Variants in HS3ST4 observed in about 807,000 individuals in gnomAD.
The protein encoded by HS3ST4 is heparan sulfate-glucosamine 3-sulfotransferase 4.
In HS3ST4, 17 loss-of-function variants were observed where a neutral mutation model predicts 29.2. The observed-to-expected ratio is 0.58, with a 90% CI of 0.40 to 0.87. The LOEUF is 0.87. Ranked by LOEUF, HS3ST4 falls within the 40% of genes least tolerant of loss-of-function variation. HS3ST4 has a pLI of 0.00. For synonymous variants in HS3ST4, 314 were observed against 285.7 expected (o/e 1.10, Z -1.00); for missense variants, 627 against 634.5 (o/e 0.99, Z 0.13).
At chr16:25,695,047 A>C (rs1175234589) in intron 1 of HS3ST4, among the ~76,000 whole-genome samples, 1 of 152,202 alleles carries the variant, frequency 6.6e-6, no homozygotes, top group Non-Finnish European at 1.5e-5. Context: ...TGCTGATGTT[A>C]GGAAGAGAAG....
intron 1 of HS3ST4, among the ~76,000 whole-genome samples, chr16:26,121,422 C>T (rs1471340349): frequency 2.0e-5 from 3 of 152,208 alleles, no homozygotes; most frequent in African/African-American, 7.2e-5. Context: ...TGGAAGTCAT[C>T]TTCTGAAAGA....
chr16:26,011,721 A>G (rs57208031), intron 1 of HS3ST4, among the ~76,000 whole-genome samples: 2 of 78,850 alleles, frequency 2.5e-5, no homozygotes, highest in African/African-American at 5.8e-5. Flanking sequence ...AGACAGAGAG[A>G]GGTGTGTGTG....
chr16:25,696,825 T>C (rs571362567), intron 1 of HS3ST4, among the ~76,000 whole-genome samples: 35 of 152,276 alleles, frequency 2.3e-4, no homozygotes, highest in Admixed American at 2.0e-3. Context: ...TGGAATTTCA[T>C]TGGTGTTTAC....
At chr16:26,046,573 T>C (rs1434358226) in intron 1 of HS3ST4, among the ~76,000 whole-genome samples, 1 of 152,220 alleles carries the variant, frequency 6.6e-6, no homozygotes, top group African/African-American at 2.4e-5. Flanking sequence ...TTAGAACCTG[T>C]TTCTTATGTC....
chr16:25,717,510 GGTGTGTGTGTGT>G (rs763190199), intron 1 of HS3ST4, among the ~76,000 whole-genome samples: 64 of 132,908 alleles, frequency 4.8e-4, no homozygotes, highest in African/African-American at 9.4e-4. Flanking sequence ...AAGGTGAAGG[GGTGTGTGTGTGT>G]GTGTGTGTGT....
chr16:25,782,400 C>T (rs1160614601), intron 1 of HS3ST4, among the ~76,000 whole-genome samples: 1 of 152,206 alleles, frequency 6.6e-6, no homozygotes, highest in African/African-American at 2.4e-5. Flanking sequence ...TGGACTGTCT[C>T]CTTCCCCCAA....
chr16:26,087,527 G>A (rs1898804616), intron 1 of HS3ST4, among the ~76,000 whole-genome samples: 1 of 152,012 alleles, frequency 6.6e-6, no homozygotes, highest in Non-Finnish European at 1.5e-5. Context: ...GCCATCAGCA[G>A]GTCCTCTGAT....
At chr16:26,072,750 A>C (rs1439968066) in intron 1 of HS3ST4, among the ~76,000 whole-genome samples, 1 of 152,338 alleles carries the variant, frequency 6.6e-6, no homozygotes, top group East Asian at 1.9e-4. Context: ...GTAATGTAAC[A>C]CTAGTGCTTT....
At chr16:26,114,761 TG>T (rs1899179370) in intron 1 of HS3ST4, among the ~76,000 whole-genome samples, 1 of 152,174 alleles carries the variant, frequency 6.6e-6, no homozygotes, top group South Asian at 2.1e-4. Context: ...GGTACTCTCA[TG>T]CATGGTGAGT....
At chr16:26,080,521 G>C (rs74013252) in intron 1 of HS3ST4, among the ~76,000 whole-genome samples, 4,960 of 152,134 alleles carry the variant, frequency 0.033, 254 homozygotes, top group African/African-American at 0.11. Flanking sequence ...TAGAGGCATG[G>C]AAGTTAGATA....
intron 1 of HS3ST4, among the ~76,000 whole-genome samples, chr16:25,740,047 G>T (rs565412280): frequency 6.6e-6 from 1 of 151,766 alleles, no homozygotes; most frequent in Non-Finnish European, 1.5e-5. Context: ...AGCCCCCAAG[G>T]ATTCTGACTT....
chr16:26,029,013 G>C (rs1969506251), intron 1 of HS3ST4: 1 of 152,190 alleles, frequency 6.6e-6, no homozygotes, highest in Non-Finnish European at 1.5e-5. Flanking sequence ...TATGGGTTTT[G>C]GTGTCAGAAA....
chr16:25,837,744 A>G (rs1288559128), intron 1 of HS3ST4, among the ~76,000 whole-genome samples: 1 of 152,032 alleles, frequency 6.6e-6, no homozygotes, highest in Non-Finnish European at 1.5e-5. Context: ...CATATTAAAT[A>G]CTTCTCTTGG....
chr16:25,768,535 GGATGTA>G (rs1966835731), intron 1 of HS3ST4, among the ~76,000 whole-genome samples: 1 of 152,166 alleles, frequency 6.6e-6, no homozygotes, highest in South Asian at 2.1e-4. Flanking sequence ...CTTGGCTTAG[GGATGTA>G]GATTGGACAT....
At position 26,129,934 on chromosome 16, in the gene HS3ST4, C is replaced by A. The variant is rs370009215; in HGVS notation, c.735-5678C>A. 2.6e-5 allele frequency among the ~76,000 whole-genome samples: 4 copies of A among 152,120 alleles called. No individual in the cohort carries two copies. The East Asian group carries it at 5.8e-4, about 22-fold the overall frequency. On this transcript the variant is annotated intron_variant, in intron 1 of 1. Coordinates refer to ENST00000331351, the MANE Select transcript of HS3ST4 (RefSeq NM_006040.3). The stretch of plus-strand genomic sequence containing the variant: ...TTCTGTGAGGACCCCAGAGGCTGAC[C>A]TGCATTCAAAAGTGGCTGTGCTCCA...
At chr16:25,756,600 T>C (rs188026322) in intron 1 of HS3ST4, among the ~76,000 whole-genome samples, 88 of 152,262 alleles carry the variant, frequency 5.8e-4, no homozygotes, top group African/African-American at 2.0e-3. Flanking sequence ...TCAGATTCAA[T>C]ATTGACCACA....
intron 1 of HS3ST4, among the ~76,000 whole-genome samples, chr16:25,959,367 A>C (rs1054528319): frequency 2.6e-5 from 4 of 152,260 alleles, no homozygotes; most frequent in African/African-American, 9.6e-5. Flanking sequence ...ATCCAGTGCT[A>C]TGTGACTTTT....
intron 1 of HS3ST4, among the ~76,000 whole-genome samples, chr16:25,803,686 TC>T (rs1365702302): frequency 1.3e-5 from 2 of 152,202 alleles, no homozygotes; most frequent in African/African-American, 4.8e-5. Context: ...TAAAGGAGTT[TC>T]CACTTGTTCA....
intron 1 of HS3ST4, among the ~76,000 whole-genome samples, chr16:25,808,982 C>A (rs939337875): frequency 3.9e-5 from 6 of 152,172 alleles, no homozygotes; most frequent in African/African-American, 1.4e-4. Flanking sequence ...GACACACTTA[C>A]TAGTTTTATA....
Sources: gnomAD v4.1 joint callset for allele counts (sites outside exome capture counted in the v4.1 genomes callset) on GRCh38, gnomAD v4.1.1 for gene constraint, MANE v1.5 for transcripts, NCBI Gene and HGNC (gene_info 2026-07-23, HGNC 2026-07-21) for gene names.